Variants in HYDIN observed in about 807,000 individuals in gnomAD.
The protein encoded by HYDIN is HYDIN axonemal central pair apparatus protein.
In HYDIN, 132 loss-of-function variants were observed where a neutral mutation model predicts 403.9. The observed-to-expected ratio is 0.33, with a 90% CI of 0.28 to 0.38. The LOEUF (loss-of-function observed/expected upper bound fraction) is 0.38. HYDIN is among the 10% of genes least tolerant of loss of function. The pLI is 1.00. For synonymous variants in HYDIN, 1,202 were observed against 1,891.7 expected, an observed-to-expected ratio of 0.64 and a Z score of 9.46; for missense variants, 2,827 against 5,009.5, an observed-to-expected ratio of 0.56 and a Z score of 13.15.
intron 3 of HYDIN, among the ~76,000 whole-genome samples, chr16:71,181,243 C>A (rs2086890745): frequency 1.4e-5 from 2 of 147,444 alleles, no homozygotes; most frequent in Admixed American, 6.7e-5. Flanking sequence ...AAAAAGCTGA[C>A]TGAATTTATA....
chr16:71,067,208 C>G (rs553870686), intron 15 of HYDIN, 82 bp downstream of exon 15: 1 of 681,826 alleles, frequency 1.5e-6, no homozygotes, highest in African/African-American at 1.8e-5. Context: ...CTTGGGTTGG[C>G]AGGCCAGCTG....
At chr16:71,154,908 G>C (rs906801597) in intron 6 of HYDIN, among the ~76,000 whole-genome samples, 2 of 115,862 alleles carry the variant, frequency 1.7e-5, no homozygotes, top group Non-Finnish European at 1.7e-5. Context: ...GTTATAGTGA[G>C]GATTAAAGGG....
intron 36 of HYDIN, among the ~76,000 whole-genome samples, chr16:70,965,384 G>A (rs2078542211): frequency 6.6e-6 from 1 of 151,184 alleles, no homozygotes. Flanking sequence ...GTGTATTAGG[G>A]CTGCCAGATA....
rs561635364 is a variant in HYDIN at position 70,806,197 on chromosome 16, T to G, written c.*1383A>C. On this transcript the variant is annotated 3_prime_UTR_variant, in exon 86 of 86. Coordinates refer to ENST00000393567, the MANE Select transcript of HYDIN (RefSeq NM_001270974.2). ...TTAATGTCTTACTGTGCCTAATTTA[T>G]AAATTAATCAAAGGTATGTATGTAA... 1.3e-5 allele frequency among the ~76,000 whole-genome samples: 2 copies of G among 152,302 alleles called. No individual in the cohort carries two copies. The highest frequency in any genetic ancestry group is 2.9e-5 in the Non-Finnish European group (2 of 68,028).
chr16:71,167,788 A>C (rs1478122011), intron 5 of HYDIN, among the ~76,000 whole-genome samples: 1 of 151,988 alleles, frequency 6.6e-6, no homozygotes, highest in Non-Finnish European at 1.5e-5. Context: ...GCTGGCTTAC[A>C]ATTAATTCAG....
chr16:71,200,001 A>C (rs2087908568), intron 1 of HYDIN, among the ~76,000 whole-genome samples: 1 of 152,116 alleles, frequency 6.6e-6, no homozygotes, highest in Non-Finnish European at 1.5e-5. Flanking sequence ...CTTGCTAATA[A>C]AACAGTTTGC....
At chr16:70,863,306 A>T (rs2039525263) in intron 67 of HYDIN, 124 bp from the exon 68 acceptor site, 3 of 889,116 alleles carry the variant, frequency 3.4e-6, no homozygotes, top group Non-Finnish European at 3.1e-6. Flanking sequence ...AAATATTTTT[A>T]AAAAGGCACA....
chr16:70,802,882 A>G lies in HYDIN; in HGVS notation c.*4698T>C, dbSNP rs899572060. The G allele has an allele frequency of 2.6e-5, 4 of 152,248 alleles. No individual in the cohort carries two copies. Among genetic ancestry groups the G allele is most frequent in the African/African-American group, 7.2e-5 (3 of 41,472 alleles). 9.4% of individuals were successfully genotyped at this position (152,248 alleles called of 1,614,324 possible). On this transcript the variant is annotated 3_prime_UTR_variant, in exon 86 of 86. Transcript: ENST00000393567. ...CTGACACAATCCTATGAATGAAGGT[A>G]GGTGCGCTAACAAGTAGTAGTAGTG...
chr16:70,933,592 T>C, intron 45 of HYDIN: 1 of 154,318 alleles, frequency 6.5e-6, no homozygotes, highest in African/African-American at 2.4e-5. Flanking sequence ...CATTCCAGCT[T>C]CCTCATCTCC....
chr16:70,956,524 C>T (rs936996836), intron 39 of HYDIN, among the ~76,000 whole-genome samples: 1 of 152,102 alleles, frequency 6.6e-6, no homozygotes, highest in African/African-American at 2.4e-5. Context: ...GGGGGGTTAG[C>T]CTGGATTATC....
intron 1 of HYDIN, chr16:71,203,784 G>C (rs1378202192): frequency 3.3e-5 from 15 of 455,926 alleles, no homozygotes; most frequent in Middle Eastern, 6.5e-4. Context: ...GAATGTGTGA[G>C]TCCAGAACAG....
intron 64 of HYDIN, among the ~76,000 whole-genome samples, chr16:70,872,969 C>T (rs1252442225): frequency 2.2e-5 from 2 of 89,854 alleles, no homozygotes; most frequent in African/African-American, 1.0e-4. Context: ...TCCACCCATC[C>T]ATCCATCATC....
chr16:70,893,942 T>G (rs1597245149), intron 55 of HYDIN: 1 of 153,250 alleles, frequency 6.5e-6, no homozygotes, highest in Admixed American at 6.5e-5. Context: ...AGGAAAGCCC[T>G]TTCTTCACAT....
intron 13 of HYDIN, among the ~76,000 whole-genome samples, chr16:71,074,507 C>A (rs1474812509): frequency 6.6e-6 from 1 of 151,286 alleles, no homozygotes; most frequent in Non-Finnish European, 1.5e-5. Flanking sequence ...CATGGTGAAA[C>A]CCCGTCTCTA....
chr16:71,067,784 G>C (rs1476695673), intron 14 of HYDIN, among the ~76,000 whole-genome samples: 1 of 151,974 alleles, frequency 6.6e-6, no homozygotes, highest in African/African-American at 2.4e-5. Context: ...AAACACTATA[G>C]CACAAGTTCT....
chr16:71,208,643 T>G (rs992079264), intron 1 of HYDIN, among the ~76,000 whole-genome samples: 4 of 151,684 alleles, frequency 2.6e-5, no homozygotes, highest in African/African-American at 9.7e-5. Context: ...ATTAATAAGA[T>G]AGATAGACCA....
rs754537551 is a variant in HYDIN, at chr16:70,862,201, A to G, written c.11624T>C (p.Leu3875Pro). ...SQGTMHTGST[L>P]DSTMDHWAEG... Reference sequence around the variant, plus strand: ...GGCCCAGTGGTCCATGGTGCTGTCCAGGGTGCTGCCTGTATGCATCGTGCC... The same window carrying G: ...GGCCCAGTGGTCCATGGTGCTGTCCGGGGTGCTGCCTGTATGCATCGTGCC... The change falls in exon 69 of 86, where the codon CTG becomes CCG. Residue 3875 changes from leucine to proline, a missense_variant. Transcript: ENST00000393567. 32 of 1,613,690 alleles carry G rather than the reference A, an allele frequency of 2.0e-5. 1 individual carries two copies. The Middle Eastern group carries it at 6.7e-4, about 34-fold the overall frequency.
At chr16:70,902,821 A>ATATATATATTTTTTTTTTTTT in intron 52 of HYDIN, among the ~76,000 whole-genome samples, 5 of 47,310 alleles carry the variant, frequency 1.1e-4, no homozygotes, top group East Asian at 1.1e-3. Context: ...ATATATATAT[A>ATATATATATTTTTTTTTTTTT]TTTTTTTTTT....
intron 83 of HYDIN, among the ~76,000 whole-genome samples, chr16:70,823,770 C>G (rs1667533674): frequency 6.6e-6 from 1 of 150,710 alleles, no homozygotes; most frequent in South Asian, 2.1e-4. Flanking sequence ...GACCTGTCCT[C>G]TTTACTCATG....
Sources: gnomAD v4.1 joint callset for allele counts (sites outside exome capture counted in the v4.1 genomes callset) on GRCh38, gnomAD v4.1.1 for gene constraint, MANE v1.5 for transcripts, NCBI Gene and HGNC (gene_info 2026-07-23, HGNC 2026-07-21) for gene names.